Variants in GABRB2 observed in about 807,000 individuals in gnomAD.
GABRB2 encodes gamma-aminobutyric acid receptor subunit beta-2.
GABRB2 carries 16 observed loss-of-function variants against 54.7 expected under a neutral mutation model. The ratio of observed to expected loss-of-function variants is 0.29; its 90% CI spans 0.20 to 0.44. The LOEUF (loss-of-function observed/expected upper bound fraction) is 0.44. Ranked by LOEUF, GABRB2 falls within the 20% of genes least tolerant of loss-of-function variation. The pLI, the probability that GABRB2 is intolerant of heterozygous loss-of-function variation, is 1.00. For synonymous variants in GABRB2, 244 were observed against 233.8 expected, an observed-to-expected ratio of 1.04 and a Z score of -0.40; for missense variants, 355 against 644.0, an observed-to-expected ratio of 0.55 and a Z score of 4.86.
chr5:161,325,362 T>C (rs1387673879), intron 9 of GABRB2, among the ~76,000 whole-genome samples: 3 of 152,164 alleles, frequency 2.0e-5, no homozygotes, highest in African/African-American at 7.2e-5. Context: ...TAATTATTAC[T>C]ATTTACTAGA....
At chr5:161,311,072 C>T (rs1757853999) in intron 9 of GABRB2, among the ~76,000 whole-genome samples, 1 of 152,108 alleles carries the variant, frequency 6.6e-6, no homozygotes, top group African/African-American at 2.4e-5. Flanking sequence ...TATCCTAAAG[C>T]AATTTTAACA....
At chr5:161,522,732 G>A (rs1760154936) in intron 3 of GABRB2, among the ~76,000 whole-genome samples, 1 of 151,576 alleles carries the variant, frequency 6.6e-6, no homozygotes, top group African/African-American at 2.4e-5. Context: ...TCACTCATGA[G>A]TGAGTAGGTG....
chr5:161,426,795 A>G (rs909336362), intron 4 of GABRB2, among the ~76,000 whole-genome samples: 7 of 152,194 alleles, frequency 4.6e-5, no homozygotes, highest in African/African-American at 1.2e-4. Context: ...TAACAATATT[A>G]TAGCACATTG....
Position 161,334,746 on chromosome 5 carries a change from G to T in GABRB2, c.832+6C>A, listed in dbSNP as rs1229127653. The stretch of plus-strand genomic sequence containing the variant: ...AAAATCCACAAGCAGTAATAAAATG[G>T]CCTACCTAATGCCACCCTTGCAGCT... On this transcript the variant is annotated splice_donor_region_variant and intron_variant, in intron 7 of 9. Coordinates refer to ENST00000393959, the MANE Select transcript of GABRB2 (RefSeq NM_001371727.1). The T allele has an allele frequency of 6.2e-7, 1 of 1,613,116 alleles. No homozygotes were observed. The highest frequency in any genetic ancestry group is 1.1e-5 in the South Asian group (1 of 90,874).
intron 5 of GABRB2, among the ~76,000 whole-genome samples, chr5:161,410,732 T>G (rs1259409354): frequency 6.6e-6 from 1 of 152,204 alleles, no homozygotes; most frequent in Non-Finnish European, 1.5e-5. Context: ...AGCATATTCC[T>G]TTTATTGCCA....
At chr5:161,457,021 G>A (rs566001789) in intron 4 of GABRB2, among the ~76,000 whole-genome samples, 1 of 152,292 alleles carries the variant, frequency 6.6e-6, no homozygotes, top group East Asian at 1.9e-4. Flanking sequence ...GAACCTCCTT[G>A]AGTTGAGAAA....
intron 5 of GABRB2, among the ~76,000 whole-genome samples, chr5:161,354,648 T>G (rs1452945718): frequency 6.6e-6 from 1 of 151,920 alleles, no homozygotes; most frequent in Non-Finnish European, 1.5e-5. Context: ...GAAGGGAGCT[T>G]AAAAACAGCA....
rs185402331 is a variant in GABRB2 at position 161,488,062 on chromosome 5, G to A, written c.238-28218C>T. 5.9e-4 allele frequency among the ~76,000 whole-genome samples: 89 copies of A among 151,832 alleles called. 1 individual carries two copies. Among genetic ancestry groups the A allele is most frequent in the Admixed American group, 5.3e-3 (81 of 15,202 alleles). On this transcript the variant is annotated intron_variant, in intron 3 of 9. Coordinates refer to ENST00000393959, the MANE Select transcript of GABRB2 (RefSeq NM_001371727.1). ...TTCCTTCACAAGAATAATTGATCAGGTGAATGGGATAAACAAATCAATCAT... is the reference window on the plus strand; with the variant it reads ...TTCCTTCACAAGAATAATTGATCAGATGAATGGGATAAACAAATCAATCAT...
chr5:161,330,785 G>A, intron 8 of GABRB2, 98 bp downstream of exon 8: 1 of 1,525,728 alleles, frequency 6.6e-7, no homozygotes, highest in Non-Finnish European at 8.9e-7. Context: ...TCTTCCCTGG[G>A]CTTGGTTTCC....
chr5:161,370,100 GA>G (rs1166024772), intron 5 of GABRB2, among the ~76,000 whole-genome samples: 3 of 151,966 alleles, frequency 2.0e-5, no homozygotes, highest in Non-Finnish European at 4.4e-5. Context: ...AAATTATGAA[GA>G]AGAAAAACAC....
intron 3 of GABRB2, among the ~76,000 whole-genome samples, chr5:161,470,048 A>G (rs1210399045): frequency 1.3e-5 from 2 of 150,486 alleles, no homozygotes; most frequent in Non-Finnish European, 2.9e-5. Context: ...ATCTCTCTTG[A>G]TACATCTTTT....
intron 4 of GABRB2, among the ~76,000 whole-genome samples, chr5:161,436,274 T>G (rs1374884181): frequency 1.3e-5 from 2 of 152,174 alleles, no homozygotes; most frequent in African/African-American, 4.8e-5. Context: ...GGCTCACACT[T>G]GCAATCCCAG....
At chr5:161,306,126 C>T (rs111719549) in intron 9 of GABRB2, among the ~76,000 whole-genome samples, 12 of 152,238 alleles carry the variant, frequency 7.9e-5, no homozygotes, top group East Asian at 3.9e-4. Flanking sequence ...TTGAAACTGA[C>T]GTCAATCTTG....
chr5:161,459,179 T>C (rs1056002220), intron 4 of GABRB2: 2 of 171,844 alleles, frequency 1.2e-5, no homozygotes, highest in African/African-American at 4.8e-5. Flanking sequence ...GCAAGTCTGA[T>C]TGCTCCTTGG....
chr5:161,370,205 G>T (rs559106589), intron 5 of GABRB2, among the ~76,000 whole-genome samples: 17 of 152,258 alleles, frequency 1.1e-4, no homozygotes, highest in Admixed American at 3.9e-4. Context: ...AAAAAGTCTA[G>T]ATTACTTACA....
chr5:161,380,870 A>G (rs1755445870), intron 5 of GABRB2, among the ~76,000 whole-genome samples: 1 of 151,754 alleles, frequency 6.6e-6, no homozygotes, highest in Non-Finnish European at 1.5e-5. Flanking sequence ...AAGGGTAAAA[A>G]AAAAAGGGCT....
chr5:161,535,224 G>C (rs759390453), intron 3 of GABRB2, among the ~76,000 whole-genome samples: 1 of 152,064 alleles, frequency 6.6e-6, no homozygotes, highest in Non-Finnish European at 1.5e-5. Flanking sequence ...TTGTGCTCAA[G>C]AGATGTAATA....
chr5:161,541,235 A>C (rs1481845849), intron 3 of GABRB2, among the ~76,000 whole-genome samples: 1 of 151,876 alleles, frequency 6.6e-6, no homozygotes, highest in African/African-American at 2.4e-5. Flanking sequence ...ATCATGCTGT[A>C]AACAGATATG....
intron 4 of GABRB2, among the ~76,000 whole-genome samples, chr5:161,424,647 GAGATATACA>G (rs1348482256): frequency 6.6e-6 from 1 of 152,050 alleles, no homozygotes; most frequent in Non-Finnish European, 1.5e-5. Context: ...AGCTCTTATG[GAGATATACA>G]AGGAAATTAA....
Sources: allele counts gnomAD v4.1 joint callset (sites outside exome capture counted in the v4.1 genomes callset), GRCh38; gene constraint gnomAD v4.1.1; transcripts MANE v1.5; gene names NCBI Gene and HGNC (gene_info 2026-07-23, HGNC 2026-07-21).